The following CMTR2 variants were observed in gnomAD, a reference collection of about 807,000 sequenced individuals.
The protein encoded by CMTR2 is cap methyltransferase 2, also known as cap-specific mRNA (nucleoside-2'-O-)-methyltransferase 2.
CMTR2 carries 40 observed loss-of-function variants against 49.8 expected under a neutral mutation model. The observed-to-expected ratio is 0.80, with a 90% confidence interval of 0.62 to 1.04. The LOEUF is 1.04. Among genes scored for constraint, CMTR2 ranks in the 50% least tolerant of loss-of-function variants. The pLI is 0.00. For synonymous variants in CMTR2, 326 were observed against 315.8 expected (o/e 1.03, Z -0.34); for missense variants, 907 against 897.2 (o/e 1.01, Z -0.14).
intron 1 of CMTR2, 63 bp downstream of exon 1, chr16:71,289,073 G>T (rs1006044412): frequency 6.6e-6 from 1 of 152,328 alleles, no homozygotes; most frequent in Non-Finnish European, 1.5e-5. Flanking sequence ...CTCAGTCCCA[G>T]CCCCTGGCTC....
In CMTR2 at chr16:71,283,410, C is replaced by A. The variant is rs747208243; in HGVS notation, c.*198G>T. On this transcript the variant is annotated 3_prime_UTR_variant, in exon 3 of 3. Coordinates refer to ENST00000434935, the MANE Select transcript of CMTR2 (RefSeq NM_018348.6). ...ATCTATCATTGCATAGATTCCACCA[C>A]GTGGAAGAGCTCTATGCCTGTGGGT... The A allele has an allele frequency of 7.4e-5, 45 of 608,658 alleles. No homozygotes were observed. Among genetic ancestry groups the A allele is most frequent in the Non-Finnish European group, 9.3e-5 (33 of 353,128 alleles). The allele number at this position is 608,658 out of a possible 1,614,324, so 37.7% of individuals were successfully genotyped here.
chr16:71,285,571 T>G lies in CMTR2; in HGVS notation c.350A>C (p.Lys117Thr). 6.2e-7 allele frequency: 1 copy of G among 1,614,094 alleles called. No individual in the cohort carries two copies. The highest frequency in any genetic ancestry group is 8.5e-7 in the Non-Finnish European group (1 of 1,179,992). The change falls in exon 3 of 3, where the codon AAG (lysine) becomes ACG (threonine). Residue 117 changes from lysine (K) to threonine (T), a missense_variant. By Grantham distance (78) the Lys-to-Thr change is moderately conservative (BLOSUM62 -1). Transcript: ENST00000434935. ...NAELCTQAWC[K>T]FHEILCSFPL... Reference sequence around the variant, plus strand: ...AAAGCTGCACAAAATCTCATGGAACTTACACCATGCTTGAGTACAAAGTTC... The same window carrying G: ...AAAGCTGCACAAAATCTCATGGAACGTACACCATGCTTGAGTACAAAGTTC...
chr16:71,284,177 G>A lies in CMTR2; in HGVS notation c.1744C>T (p.Leu582=). ...VVPSNQIKCL[L]VGFSTLRNIK... ...TTACGGAGAGTCGAAAAGCCCACCA[G>A]CAGGCACTTTATTTGATTGCTGGGT... is the stretch of plus-strand genomic sequence containing the variant. The change falls in exon 3 of 3, where the codon CTG becomes TTG. Residue 582 remains leucine (L), a synonymous_variant. Coordinates refer to ENST00000434935, the MANE Select transcript of CMTR2 (RefSeq NM_018348.6). The A allele has an allele frequency of 6.2e-7, 1 of 1,613,968 alleles. No individual in the cohort carries two copies. The highest frequency in any genetic ancestry group is 1.3e-5 in the African/African-American group (1 of 75,016).
Position 71,284,699 on chromosome 16 carries a change from A to G in CMTR2, c.1222T>C (p.Phe408Leu), listed in dbSNP as rs774289945. 1.9e-6 allele frequency: 3 copies of G among 1,612,838 alleles called. No homozygotes were observed. Among genetic ancestry groups the G allele is most frequent in the Non-Finnish European group, 2.5e-6 (3 of 1,179,512 alleles). Residue 408 changes from phenylalanine (F) to leucine (L), a missense_variant, in exon 3 of 3, where the codon TTT (phenylalanine) becomes CTT (leucine). Phe to Leu is a conservative substitution (Grantham distance 22, BLOSUM62 0). Transcript: ENST00000434935. ...DCAIQYFMQK[F>L]QLKHLSRNNW... ...TTTCTGGAAAGATGTTTCAGTTGAA[A>G]TTTTTGCATAAAATATTGTATAGCA...
At chr16:71,289,424 C>T (rs907574164), upstream of CMTR2, 5 of 152,266 alleles carry the variant, frequency 3.3e-5, no homozygotes, top group African/African-American at 4.8e-5. Context: ...CGCACGCGCC[C>T]TGTAGGCCGG....
At chr16:71,286,202 T>A (rs371421622) in intron 2 of CMTR2, among the ~76,000 whole-genome samples, 4 of 148,540 alleles carry the variant, frequency 2.7e-5, no homozygotes, top group Non-Finnish European at 4.5e-5. Context: ...TTCTTCTCAT[T>A]AAAAAAAAAA....
rs891996450 is a variant in CMTR2 at position 71,284,756 on chromosome 16, C to T, written c.1165G>A (p.Glu389Lys). ...CTTAAATTATTCAGCTTTTCTTGTT[C>T]CGCCTTTCCCATGCACTCAAATAGA... ...IRLFECMGKAEQEKLNNLRDC... is the reference protein window; with the variant it reads ...IRLFECMGKAKQEKLNNLRDC... Residue 389 changes from glutamate to lysine, a missense_variant, in exon 3 of 3, where the codon GAA becomes AAA. Transcript: ENST00000434935. 3.1e-6 allele frequency: 5 copies of T among 1,613,470 alleles called. No individual in the cohort carries two copies. In the African/African-American group the frequency reaches 5.3e-5, roughly 17 times the overall value.
chr16:71,283,918 A>C lies in CMTR2; in HGVS notation c.2003T>G (p.Phe668Cys), dbSNP rs779872886. Residue 668 changes from phenylalanine to cysteine, a missense_variant, in exon 3 of 3, where the codon TTC (phenylalanine) becomes TGC (cysteine). Transcript: ENST00000434935. ...GGATGTGGGACAAACAAAAGTGATGAATCTAAAACAACTGTGGAGTACAAA... is the reference window on the plus strand; with the variant it reads ...GGATGTGGGACAAACAAAAGTGATGCATCTAAAACAACTGTGGAGTACAAA... ...LIFVLHSCFR[F>C]ITFVCPTSSD... 1.2e-6 allele frequency: 2 copies of C among 1,614,116 alleles called. No individual in the cohort carries two copies. Among genetic ancestry groups the C allele is most frequent in the Non-Finnish European group, 8.5e-7 (1 of 1,179,950 alleles).
rs1462530976 is a variant in CMTR2 at position 71,283,674 on chromosome 16, C to T, written c.2247G>A (p.Arg749=). The part of the protein sequence containing the change: ...LWDLNAAIAK[R]HLHFIIQRER... The stretch of plus-strand genomic sequence containing the variant: ...CTCTTTGAATAATGAAATGCAAATG[C>T]CTTTTAGCAATGGCAGCATTCAAAT... Residue 749 remains arginine, a synonymous_variant, in exon 3 of 3, where the codon AGG becomes AGA. Transcript: ENST00000434935. The T allele has an allele frequency of 9.3e-6, 15 of 1,613,754 alleles. No homozygotes were observed. The highest frequency in any genetic ancestry group is 1.3e-5 in the Non-Finnish European group (15 of 1,179,826).
chr16:71,287,383 T>G (rs1482563138), intron 2 of CMTR2: 1 of 152,192 alleles, frequency 6.6e-6, no homozygotes, highest in East Asian at 1.9e-4. Flanking sequence ...TTCCTTGAAG[T>G]AACAGGTGTC....
chr16:71,287,241 C>T (rs2144856296), intron 2 of CMTR2: 1 of 152,288 alleles, frequency 6.6e-6, no homozygotes. Flanking sequence ...GGAACTACTG[C>T]TGTAATACAT....
At position 71,285,700 on chromosome 16, in the gene CMTR2, T is replaced by C. The variant is rs1803183888; in HGVS notation, c.221A>G (p.Lys74Arg). 5 of 1,613,356 alleles carry C rather than the reference T, an allele frequency of 3.1e-6. No individual in the cohort carries two copies. The highest frequency in any genetic ancestry group is 3.4e-6 in the Non-Finnish European group (4 of 1,179,770). Residue 74 changes from lysine to arginine, a missense_variant, in exon 3 of 3, where the codon AAA becomes AGA. Transcript: ENST00000434935. ...CAGTTTCTTATCACTCAGTAGGTTT[T>C]TTACTTCATTTAGGGAGTTCTTCAA... ...LDLKNSLNEV[K>R]NLLSDKKLDE...
rs2041788364 is a variant in CMTR2 at position 71,289,163 on chromosome 16, T to G, written c.-107A>C. 1 of 152,134 alleles carries G rather than the reference T, an allele frequency of 6.6e-6. No individual in the cohort carries two copies. The allele number at this position is 152,134 out of a possible 1,614,324, so 9.4% of individuals were successfully genotyped here. A position where few individuals can be genotyped will look rare whatever the true frequency, so the allele number is the denominator to read the frequency against. Reference sequence around the variant, plus strand: ...TCGCCCACGCCCACTGGGGCCCCAGTGTCTGGAGAGGCTGCACTTTACTCT... The same window carrying G: ...TCGCCCACGCCCACTGGGGCCCCAGGGTCTGGAGAGGCTGCACTTTACTCT... On this transcript the variant is annotated 5_prime_UTR_variant, in exon 1 of 3. Transcript: ENST00000434935.
chr16:71,286,936 C>G (rs901109624), intron 2 of CMTR2: 1 of 151,982 alleles, frequency 6.6e-6, no homozygotes, highest in Non-Finnish European at 1.5e-5. Flanking sequence ...AAACCAGAAA[C>G]AAAGAAACCT....
At position 71,285,116 on chromosome 16, in the gene CMTR2, C is replaced by A. The variant is rs559412558; in HGVS notation, c.805G>T (p.Gly269Cys). 1 of 1,614,054 alleles carries A rather than the reference C, an allele frequency of 6.2e-7. No individual in the cohort carries two copies. Among genetic ancestry groups the A allele is most frequent in the Non-Finnish European group, 8.5e-7 (1 of 1,179,950 alleles). The stretch of plus-strand genomic sequence containing the variant: ...AACATCTTTAGAACAAAAGAGCCAC[C>A]GTTTCCAAGAGTGGTCAGAGCAGTG... ...VVTALTTLGNGGSFVLKMFTM... is the reference protein window; with the variant it reads ...VVTALTTLGNCGSFVLKMFTM... Residue 269 changes from glycine (G) to cysteine (C), a missense_variant, in exon 3 of 3, where the codon GGT becomes TGT. By Grantham distance (159) the Gly-to-Cys change is radical. Coordinates refer to ENST00000434935, the MANE Select transcript of CMTR2 (RefSeq NM_018348.6).
rs1243954802 is a variant in CMTR2, at chr16:71,282,067, C to G, written c.*1541G>C. The G allele has an allele frequency of 6.6e-6, 1 of 151,550 alleles. No individual in the cohort carries two copies. Among genetic ancestry groups the G allele is most frequent in the Non-Finnish European group, 1.5e-5 (1 of 67,816 alleles). 9.4% of individuals were successfully genotyped at this position (151,550 alleles called of 1,614,324 possible). A position where few individuals can be genotyped will look rare whatever the true frequency, so the allele number is the denominator to read the frequency against. On this transcript the variant is annotated 3_prime_UTR_variant, in exon 3 of 3. Coordinates refer to ENST00000434935, the MANE Select transcript of CMTR2 (RefSeq NM_018348.6). ...AGGAAATCAGATTTCTTTCAAAAAT[C>G]TACTTCCAGGCCTCCACACACTCCT... is the stretch of plus-strand genomic sequence containing the variant.
At position 71,283,847 on chromosome 16, in the gene CMTR2, G is replaced by A. The variant is rs766674468; in HGVS notation, c.2074C>T (p.Gln692Ter). Reference protein sequence around the residue: ...TCAVLLCVGYQDLPNPVFRYL... With the variant: ...TCAVLLCVGY ...CGGAAAACTGGATTTGGAAGGTCCT[G>A]ATAACCAACACATAGCAGGACTGCG... The change falls in exon 3 of 3, where the codon CAG becomes TAG. Residue 692 changes from glutamine to a stop codon, truncating the protein, a stop_gained. Coordinates refer to ENST00000434935, the MANE Select transcript of CMTR2 (RefSeq NM_018348.6). LOFTEE classifies it high-confidence loss of function. 1.2e-6 allele frequency: 2 copies of A among 1,613,858 alleles called. No homozygotes were observed. Among genetic ancestry groups the A allele is most frequent in the Non-Finnish European group, 1.7e-6 (2 of 1,179,950 alleles).
rs568393251 is a variant in CMTR2, at chr16:71,289,284, G to A, written c.-228C>T. 1 of 152,390 alleles carries A rather than the reference G, an allele frequency of 6.6e-6. No individual in the cohort carries two copies. The highest frequency in any genetic ancestry group is 2.1e-4 in the South Asian group (1 of 4,834). The allele number at this position is 152,390 out of a possible 1,614,324, so 9.4% of individuals were successfully genotyped here. On this transcript the variant is annotated 5_prime_UTR_variant, in exon 1 of 3. Transcript: ENST00000434935. ...GGCGCCTCCAGCCACAAGGCAGGGA[G>A]ATGGTGCGCCGGACTGGGGGGAAGG...
rs2041690115 is a variant in CMTR2, at chr16:71,284,945, T to C, written c.976A>G (p.Ile326Val). 3.7e-6 allele frequency: 6 copies of C among 1,614,134 alleles called. No individual in the cohort carries two copies. The South Asian group carries it at 4.4e-5, about 12-fold the overall frequency. Residue 326 changes from isoleucine (I) to valine (V), a missense_variant, in exon 3 of 3, where the codon ATC becomes GTC. Coordinates refer to ENST00000434935, the MANE Select transcript of CMTR2 (RefSeq NM_018348.6). ...VCLHYKGREA[I>V]HPLLSKMTLN... ...GTCATCTTAGATAACAGAGGATGGATGGCCTCTCTCCCCTTATAGTGGAGG... is the reference window on the plus strand; with the variant it reads ...GTCATCTTAGATAACAGAGGATGGACGGCCTCTCTCCCCTTATAGTGGAGG...
Sources: gnomAD v4.1 joint callset for allele counts (sites outside exome capture counted in the v4.1 genomes callset) on GRCh38, gnomAD v4.1.1 for gene constraint, MANE v1.5 for transcripts, NCBI Gene and HGNC (gene_info 2026-07-23, HGNC 2026-07-21) for gene names.